Variants in ACSL1 observed in about 807,000 individuals in gnomAD.
The protein encoded by ACSL1 is long-chain-fatty-acid--CoA ligase 1.
ACSL1 carries 41 observed loss-of-function variants against 98.4 expected under a neutral mutation model. That is an observed-to-expected ratio of 0.42 (90% confidence interval 0.32 to 0.54). The LOEUF is 0.54. ACSL1 is among the 20% of genes least tolerant of loss of function. The pLI is 0.13. For synonymous variants in ACSL1, 316 were observed against 322.7 expected, an observed-to-expected ratio of 0.98 and a Z score of 0.22; for missense variants, 734 against 883.1, an observed-to-expected ratio of 0.83 and a Z score of 2.14.
At chr4:184,782,977 G>A (rs756407548) in intron 4 of ACSL1, among the ~76,000 whole-genome samples, 1 of 152,164 alleles carries the variant, frequency 6.6e-6, no homozygotes, top group Non-Finnish European at 1.5e-5. Context: ...AACCCAGAAG[G>A]AGGAAGTGCA....
chr4:184,794,061 G>T (rs1768900804), intron 2 of ACSL1, among the ~76,000 whole-genome samples: 1 of 152,172 alleles, frequency 6.6e-6, no homozygotes, highest in Non-Finnish European at 1.5e-5. Flanking sequence ...GTCTGGCAAT[G>T]TTCAATAGAC....
chr4:184,766,779 A>G lies in ACSL1; in HGVS notation c.1129-23T>C. Reference sequence around the variant, plus strand: ...AATCTAATGAGGCAAGACATGAGAAAGTTTTCACACCTACTAGGATGGCCA... The same window carrying G: ...AATCTAATGAGGCAAGACATGAGAAGGTTTTCACACCTACTAGGATGGCCA... On this transcript the variant is annotated intron_variant, in intron 12 of 20. Coordinates refer to ENST00000281455, the MANE Select transcript of ACSL1 (RefSeq NM_001995.5). The surrounding 1 kb of genome is among the most constrained non-coding windows in gnomAD (Gnocchi z 4.8). The G allele has an allele frequency of 1.9e-6, 3 of 1,604,550 alleles. No individual in the cohort carries two copies. Among genetic ancestry groups the G allele is most frequent in the Non-Finnish European group, 2.6e-6 (3 of 1,172,502 alleles).
chr4:184,811,669 G>A (rs1055592144), intron 1 of ACSL1, among the ~76,000 whole-genome samples: 2 of 151,980 alleles, frequency 1.3e-5, no homozygotes, highest in Non-Finnish European at 2.9e-5. Context: ...AGGAATGAGC[G>A]TTATTGCTGA....
At chr4:184,818,423 T>G (rs1772801908) in intron 1 of ACSL1, among the ~76,000 whole-genome samples, 1 of 152,116 alleles carries the variant, frequency 6.6e-6, no homozygotes, top group Non-Finnish European at 1.5e-5. Flanking sequence ...AACACAAACT[T>G]CACTCAGTGA....
intron 16 of ACSL1, among the ~76,000 whole-genome samples, chr4:184,762,885 T>C (rs115807621): frequency 1.3e-5 from 2 of 152,326 alleles, no homozygotes; most frequent in African/African-American, 4.8e-5. Context: ...GGCAGGACCT[T>C]CGTCCCAGGA....
intron 17 of ACSL1, among the ~76,000 whole-genome samples, chr4:184,760,936 C>T (rs891582884): frequency 2.0e-5 from 3 of 152,222 alleles, no homozygotes; most frequent in African/African-American, 7.2e-5. Context: ...ATGTTTCCTA[C>T]ACAAAGGCCA....
chr4:184,794,978 C>G (rs1400233954), intron 2 of ACSL1, among the ~76,000 whole-genome samples: 6 of 152,000 alleles, frequency 3.9e-5, no homozygotes, highest in African/African-American at 1.5e-4. Flanking sequence ...CACGGTACTT[C>G]GCAAAACATC....
At position 184,773,160 on chromosome 4, in the gene ACSL1, G is replaced by A; in HGVS notation, c.842-6C>T. The stretch of plus-strand genomic sequence containing the variant: ...CATTGCTCCTTTGGGGTTGCCTGTG[G>A]AGCACATATGAAGCAGAACAAAGTT... On this transcript the variant is annotated splice_polypyrimidine_tract_variant and splice_region_variant and intron_variant, in intron 9 of 20. Transcript: ENST00000281455. This position sits in a 1 kb window ranked among gnomAD's most constrained non-coding sequence, Gnocchi z 4.3. 1 of 1,612,200 alleles carries A rather than the reference G, an allele frequency of 6.2e-7. No individual in the cohort carries two copies. Among genetic ancestry groups the A allele is most frequent in the Non-Finnish European group, 8.5e-7 (1 of 1,178,306 alleles).
At chr4:184,772,798 A>T (rs1764702957) in intron 10 of ACSL1, among the ~76,000 whole-genome samples, 1 of 152,254 alleles carries the variant, frequency 6.6e-6, no homozygotes, top group Admixed American at 6.5e-5. Context: ...TTTCTTGGAC[A>T]TGTTTCTAGG....
chr4:184,778,841 G>A lies in ACSL1; in HGVS notation c.477+1491C>T, dbSNP rs1441540844. Among the ~76,000 whole-genome samples, 5 of 151,698 alleles carry A rather than the reference G, an allele frequency of 3.3e-5. No individual in the cohort carries two copies. In the East Asian group the frequency reaches 7.7e-4, roughly 23 times the overall value. ...ACATTTTGATGTGTTCATTTGGGATGAAAAAAACTAAATTCTACAAGCCCA... is the reference window on the plus strand; with the variant it reads ...ACATTTTGATGTGTTCATTTGGGATAAAAAAAACTAAATTCTACAAGCCCA... On this transcript the variant is annotated intron_variant, in intron 5 of 20. Coordinates refer to ENST00000281455, the MANE Select transcript of ACSL1 (RefSeq NM_001995.5).
chr4:184,809,565 G>C (rs1171217198), intron 1 of ACSL1, among the ~76,000 whole-genome samples: 2 of 152,128 alleles, frequency 1.3e-5, no homozygotes, highest in African/African-American at 4.8e-5. Context: ...GGCCGAGGCG[G>C]GCAGATCACG....
At chr4:184,818,567 C>T (rs1772811564) in intron 1 of ACSL1, among the ~76,000 whole-genome samples, 1 of 152,158 alleles carries the variant, frequency 6.6e-6, no homozygotes, top group Admixed American at 6.6e-5. Context: ...TTCTATGGGA[C>T]ATCTGACCAT....
At chr4:184,820,861 G>A (rs917496451) in intron 1 of ACSL1, among the ~76,000 whole-genome samples, 2 of 152,280 alleles carry the variant, frequency 1.3e-5, no homozygotes, top group East Asian at 1.9e-4. Flanking sequence ...GATTACAGGC[G>A]TGAGCCACCG....
chr4:184,757,827 T>C lies in ACSL1; in HGVS notation c.1876A>G (p.Arg626Gly). 1.2e-6 allele frequency: 2 copies of C among 1,614,166 alleles called. No homozygotes were observed. The highest frequency in any genetic ancestry group is 1.7e-6 in the Non-Finnish European group (2 of 1,179,994). The change falls in exon 19 of 21, where the codon AGA becomes GGA. Residue 626 changes from arginine (R) to glycine (G), a missense_variant. By Grantham distance (125) the Arg-to-Gly change is moderately radical (BLOSUM62 -2). Transcript: ENST00000281455. This position sits in a 1 kb window ranked among gnomAD's most constrained non-coding sequence, Gnocchi z 4.5. ...ACCCTTCAGAACCTTACCTTATTTC[T>C]GCACAGTTCCTCAAACGACCCTTCA... ...GFEGSFEELC[R>G]NKDVKKAILE...
chr4:184,820,609 T>C (rs114527473), intron 1 of ACSL1, among the ~76,000 whole-genome samples: 2,460 of 151,932 alleles, frequency 0.016, 48 homozygotes, highest in African/African-American at 0.042. Context: ...GGAACTTTCT[T>C]TTTTTTTCTT....
intron 4 of ACSL1, among the ~76,000 whole-genome samples, chr4:184,780,762 G>A (rs1029791471): frequency 6.6e-6 from 1 of 152,146 alleles, no homozygotes; most frequent in African/African-American, 2.4e-5. Context: ...AAAAATGATA[G>A]AGAGATGGAT....
At chr4:184,772,189 G>A (rs1434193832) in intron 10 of ACSL1, among the ~76,000 whole-genome samples, 1 of 152,182 alleles carries the variant, frequency 6.6e-6, no homozygotes, top group Admixed American at 6.6e-5. Context: ...ACTTTGGTAA[G>A]GTACTAAATG....
At chr4:184,811,353 CTG>C (rs1772083783) in intron 1 of ACSL1, among the ~76,000 whole-genome samples, 1 of 152,078 alleles carries the variant, frequency 6.6e-6, no homozygotes, top group African/African-American at 2.4e-5. Context: ...ACTTTGTGAT[CTG>C]CCCGCCTTGG....
intron 1 of ACSL1, chr4:184,812,104 G>C: frequency 1.2e-6 from 1 of 831,636 alleles, no homozygotes; most frequent in Non-Finnish European, 1.5e-6. Flanking sequence ...TGAACTCCAG[G>C]ACTTCTTTAT....
Sources: allele counts gnomAD v4.1 joint callset (sites outside exome capture counted in the v4.1 genomes callset), GRCh38; gene constraint gnomAD v4.1.1; non-coding constraint Gnocchi (gnomAD v3.1); transcripts MANE v1.5; gene names NCBI Gene and HGNC (gene_info 2026-07-23, HGNC 2026-07-21).